Variants in RGS22 observed in about 807,000 individuals in gnomAD.
RGS22 encodes regulator of G-protein signaling 22.
RGS22 carries 148 observed loss-of-function variants against 172.9 expected under a neutral mutation model. That is an observed-to-expected ratio of 0.86 (90% CI 0.75 to 0.98). The LOEUF (loss-of-function observed/expected upper bound fraction) is 0.98. RGS22 is among the 50% of genes least tolerant of loss of function. The pLI is 0.00. For synonymous variants in RGS22, 458 were observed against 480.2 expected, an observed-to-expected ratio of 0.95 and a Z score of 0.60; for missense variants, 1,347 against 1,440.8, an observed-to-expected ratio of 0.93 and a Z score of 1.05.
chr8:100,103,517 A>T (rs2132071231), intron 2 of RGS22, among the ~76,000 whole-genome samples: 1 of 152,336 alleles, frequency 6.6e-6, no homozygotes, highest in Middle Eastern at 3.4e-3. Flanking sequence ...TGGGGAGAAA[A>T]GTTCAGTTTA....
intron 14 of RGS22, among the ~76,000 whole-genome samples, chr8:100,023,731 G>T (rs1817863720): frequency 6.6e-6 from 1 of 152,134 alleles, no homozygotes; most frequent in Non-Finnish European, 1.5e-5. Flanking sequence ...ACTGTGCCTG[G>T]CCTGGAAAAT....
chr8:100,096,650 C>T (rs1269651917), intron 2 of RGS22, among the ~76,000 whole-genome samples: 6 of 145,962 alleles, frequency 4.1e-5, no homozygotes, highest in African/African-American at 1.0e-4. Context: ...GTCACTTAGG[C>T]GCTTAGCTAA....
intron 7 of RGS22, among the ~76,000 whole-genome samples, chr8:100,064,341 T>G (rs1235235561): frequency 6.6e-6 from 1 of 152,016 alleles, no homozygotes; most frequent in Non-Finnish European, 1.5e-5. Flanking sequence ...GGTGGCACAG[T>G]AATCCCAGCT....
chr8:99,977,589 T>C (rs1489753734), intron 23 of RGS22, among the ~76,000 whole-genome samples: 3 of 152,170 alleles, frequency 2.0e-5, no homozygotes, highest in Non-Finnish European at 4.4e-5. Context: ...TTGAGGATCT[T>C]AGTCCAATGA....
At chr8:100,085,915 A>G (rs1812122589) in intron 3 of RGS22, among the ~76,000 whole-genome samples, 1 of 152,210 alleles carries the variant, frequency 6.6e-6, no homozygotes, top group South Asian at 2.1e-4. Flanking sequence ...ATGTATATTG[A>G]ACTCCAGTTT....
intron 3 of RGS22, 157 bp from the exon 4 acceptor site, chr8:100,080,512 G>A (rs1184759239): frequency 1.6e-6 from 1 of 623,674 alleles, no homozygotes; most frequent in East Asian, 2.8e-5. Flanking sequence ...AAATCCCTTG[G>A]GTAGAGGTCA....
intron 23 of RGS22, among the ~76,000 whole-genome samples, chr8:99,966,949 G>T (rs899161142): frequency 2.0e-5 from 3 of 152,282 alleles, no homozygotes; most frequent in Non-Finnish European, 4.4e-5. Context: ...GGCTGAATAG[G>T]AACAGCTCCC....
rs80305333 is a variant in RGS22 at position 100,009,018 on chromosome 8, C to T, written c.2167-449G>A. Among the ~76,000 whole-genome samples the T allele has an allele frequency of 5.3e-3, 806 of 152,254 alleles. 7 individuals carry two copies. Among genetic ancestry groups the T allele is most frequent in the African/African-American group, 0.018 (738 of 41,546 alleles). Reference sequence around the variant, plus strand: ...GAGACCCAACAGACTACCAGCCCTACCAAATTGAGCTGCAGAGTTCTTAAG... The same window carrying T: ...GAGACCCAACAGACTACCAGCCCTATCAAATTGAGCTGCAGAGTTCTTAAG... On this transcript the variant is annotated intron_variant, in intron 14 of 27. Transcript: ENST00000360863.
intron 11 of RGS22, among the ~76,000 whole-genome samples, chr8:100,042,979 C>G (rs1302272581): frequency 6.6e-6 from 1 of 152,164 alleles, no homozygotes; most frequent in African/African-American, 2.4e-5. Flanking sequence ...CCTTCCTCCT[C>G]CATTCTGACT....
At chr8:99,993,223 A>C (rs557802363) in intron 20 of RGS22, among the ~76,000 whole-genome samples, 2 of 152,210 alleles carry the variant, frequency 1.3e-5, no homozygotes, top group Non-Finnish European at 2.9e-5. Flanking sequence ...AAGCAAGAGC[A>C]AACAAATTCA....
intron 3 of RGS22, among the ~76,000 whole-genome samples, chr8:100,084,423 C>A (rs1337727579): frequency 1.3e-5 from 2 of 152,012 alleles, no homozygotes; most frequent in African/African-American, 4.8e-5. Context: ...AAGTGCTTTA[C>A]AGAAACAGCA....
intron 4 of RGS22, among the ~76,000 whole-genome samples, chr8:100,076,841 A>T (rs1358964197): frequency 6.6e-6 from 1 of 152,178 alleles, no homozygotes; most frequent in African/African-American, 2.4e-5. Flanking sequence ...AAAAATGCAA[A>T]AAGTATCTGT....
intron 3 of RGS22, among the ~76,000 whole-genome samples, chr8:100,085,115 A>C (rs113078647): frequency 8.5e-4 from 130 of 152,274 alleles, no homozygotes; most frequent in African/African-American, 2.9e-3. Flanking sequence ...AGAAGTTGTA[A>C]CTAGATAAAC....
chr8:100,033,448 C>T (rs1819073455), intron 14 of RGS22, among the ~76,000 whole-genome samples: 1 of 151,972 alleles, frequency 6.6e-6, no homozygotes, highest in African/African-American at 2.4e-5. Context: ...GACACATACA[C>T]CCTCCCAAGA....
intron 21 of RGS22, among the ~76,000 whole-genome samples, chr8:99,985,453 T>A (rs1457340849): frequency 6.6e-6 from 1 of 152,196 alleles, no homozygotes; most frequent in East Asian, 1.9e-4. Flanking sequence ...CCTGACCTAT[T>A]GTCCCCATAC....
intron 17 of RGS22, chr8:100,003,131 A>C (rs1815286601): frequency 4.3e-6 from 1 of 230,604 alleles, no homozygotes. Flanking sequence ...TAATAACTTA[A>C]TTGTACATTT....
At chr8:100,100,291 ATT>A (rs764067983) in intron 2 of RGS22, among the ~76,000 whole-genome samples, 16 of 136,946 alleles carry the variant, frequency 1.2e-4, no homozygotes, top group South Asian at 2.3e-4. Flanking sequence ...TTTTTTTCTG[ATT>A]TTTTTTTTTT....
At chr8:99,989,872 A>G (rs1213200557) in intron 20 of RGS22, among the ~76,000 whole-genome samples, 1 of 145,616 alleles carries the variant, frequency 6.9e-6, no homozygotes, top group Non-Finnish European at 1.5e-5. Context: ...AGATAGATAG[A>G]TAGATAGATA....
At chr8:100,025,461 C>T (rs755192036) in intron 14 of RGS22, among the ~76,000 whole-genome samples, 36 of 152,332 alleles carry the variant, frequency 2.4e-4, no homozygotes, top group Non-Finnish European at 4.6e-4. Context: ...CCTCACCCCT[C>T]ACCCATGTCC....
Sources: allele counts gnomAD v4.1 joint callset (sites outside exome capture counted in the v4.1 genomes callset), GRCh38; gene constraint gnomAD v4.1.1; transcripts MANE v1.5; gene names NCBI Gene and HGNC (gene_info 2026-07-23, HGNC 2026-07-21).